The following KMT2E variants were observed in gnomAD, a reference collection of about 807,000 sequenced individuals.
KMT2E encodes the protein lysine methyltransferase 2E (inactive).
Under a neutral mutation model 184.6 loss-of-function variants are expected in KMT2E, and 30 were observed. The ratio of observed to expected loss-of-function variants is 0.16; its 90% CI spans 0.12 to 0.22. The LOEUF is 0.22. Ranked by LOEUF, KMT2E falls within the 10% of genes least tolerant of loss-of-function variation. KMT2E has a pLI of 1.00. For missense variants in KMT2E, 2,023 were observed against 2,237.4 expected, an observed-to-expected ratio of 0.90 and a Z score of 1.93; for synonymous variants, 815 against 776.5, an observed-to-expected ratio of 1.05 and a Z score of -0.82.
At chr7:105,087,683 C>G (rs190745299) in intron 13 of KMT2E, among the ~76,000 whole-genome samples, 379 of 152,144 alleles carry the variant, frequency 2.5e-3, no homozygotes, top group African/African-American at 8.7e-3. Flanking sequence ...CTCGGCCTCC[C>G]AAAGTGCTGG....
In KMT2E at chr7:105,107,777, T is replaced by A; in HGVS notation, c.3320T>A (p.Leu1107Gln). 1 of 1,614,144 alleles carries A rather than the reference T, an allele frequency of 6.2e-7. No individual in the cohort carries two copies. Among genetic ancestry groups the A allele is most frequent in the East Asian group, 2.2e-5 (1 of 44,870 alleles). ...TTCCGAATAAGTGAGTCAAAGTGCC[T>A]GATGCAGGATGATACTAGAGGCATG... is the stretch of plus-strand genomic sequence containing the variant. ...GGFRISESKC[L>Q]MQDDTRGMFM... Residue 1107 changes from leucine to glutamine, a missense_variant, in exon 22 of 27, where the codon CTG becomes CAG. Physicochemically the swap from Leu to Gln is moderately radical, Grantham distance 113. Around this residue, in one of 8 missense-constraint regions of KMT2E, gnomAD observed 1,108 missense variants for 1,050.9 expected, o/e 1.05. Coordinates refer to ENST00000311117, the MANE Select transcript of KMT2E (RefSeq NM_182931.3).
In KMT2E at chr7:105,066,725, A is replaced by G; in HGVS notation, c.417-2A>G. On this transcript the variant is annotated splice_acceptor_variant, in intron 5 of 26. Coordinates refer to ENST00000311117, the MANE Select transcript of KMT2E (RefSeq NM_182931.3). LOFTEE classifies it high-confidence loss of function. Reference sequence around the variant, plus strand: ...CATATGTTCTGCTTTTTTTTTTTTAAGCGTTTGGCAACATATTGACTGCAT... The same window carrying G: ...CATATGTTCTGCTTTTTTTTTTTTAGGCGTTTGGCAACATATTGACTGCAT... 6.2e-7 allele frequency: 1 copy of G among 1,601,544 alleles called. No individual in the cohort carries two copies. The highest frequency in any genetic ancestry group is 8.5e-7 in the Non-Finnish European group (1 of 1,173,394).
chr7:105,015,451 A>C (rs1182331291), intron 1 of KMT2E, among the ~76,000 whole-genome samples: 1 of 152,238 alleles, frequency 6.6e-6, no homozygotes, highest in Non-Finnish European at 1.5e-5. Flanking sequence ...TTAGCTCTAG[A>C]GTAAACCTCG....
chr7:105,099,726 A>T (rs1306689274), intron 15 of KMT2E, among the ~76,000 whole-genome samples: 1 of 152,220 alleles, frequency 6.6e-6, no homozygotes, highest in South Asian at 2.1e-4. Flanking sequence ...ATTTTTGCCA[A>T]GACAAGTTTG....
chr7:105,034,693 C>T (rs1245814980), intron 1 of KMT2E, among the ~76,000 whole-genome samples: 1 of 151,988 alleles, frequency 6.6e-6, no homozygotes, highest in Non-Finnish European at 1.5e-5. Flanking sequence ...AATTTTATCA[C>T]CACAAGGATC....
In KMT2E at chr7:105,113,490, T is replaced by A; in HGVS notation, c.*157T>A. ...TTTTTCTCATTTTTGCTTTTTAAAA[T>A]TCCTTTAAAAAATGTGCTGTTAAGC... On this transcript the variant is annotated 3_prime_UTR_variant, in exon 27 of 27. Transcript: ENST00000311117. 1.2e-6 allele frequency: 1 copy of A among 841,384 alleles called. No homozygotes were observed. Among genetic ancestry groups the A allele is most frequent in the Non-Finnish European group, 1.7e-6 (1 of 576,012 alleles). 52.1% of individuals were successfully genotyped at this position (841,384 alleles called of 1,614,324 possible).
intron 13 of KMT2E, among the ~76,000 whole-genome samples, chr7:105,084,646 C>G (rs1409885574): frequency 1.3e-5 from 2 of 150,074 alleles, no homozygotes; most frequent in African/African-American, 4.9e-5. Context: ...AAAAAAATTA[C>G]TGTATTGCAC....
intron 1 of KMT2E, among the ~76,000 whole-genome samples, chr7:105,020,528 T>G (rs1455800064): frequency 6.6e-6 from 1 of 152,196 alleles, no homozygotes; most frequent in Non-Finnish European, 1.5e-5. Flanking sequence ...GAGGTTGCAG[T>G]GAGCTGAGAT....
At chr7:105,090,852 G>T (rs773268395) in intron 14 of KMT2E, among the ~76,000 whole-genome samples, 44 of 152,192 alleles carry the variant, frequency 2.9e-4, no homozygotes, top group Middle Eastern at 3.4e-3. Context: ...CTATCTTCTA[G>T]AAATGATTTC....
Position 105,077,439 on chromosome 7 carries a change from T to G in KMT2E, c.1130+6T>G. ...AATGGGTATTTCTTTAAAAGGTATA[T>G]TCATTTATTTTCCCATGTTCATTTT... On this transcript the variant is annotated splice_donor_region_variant and intron_variant, in intron 11 of 26. Transcript: ENST00000311117. 6.3e-7 allele frequency: 1 copy of G among 1,592,358 alleles called. No homozygotes were observed. Among genetic ancestry groups the G allele is most frequent in the Non-Finnish European group, 8.6e-7 (1 of 1,168,614 alleles).
intron 15 of KMT2E, among the ~76,000 whole-genome samples, chr7:105,100,768 G>GA (rs1315812101): frequency 1.3e-5 from 2 of 152,140 alleles, no homozygotes; most frequent in Non-Finnish European, 2.9e-5. Flanking sequence ...ACTACTGTTT[G>GA]AAAACCTCGT....
intron 12 of KMT2E, among the ~76,000 whole-genome samples, chr7:105,080,996 C>CT (rs1018289605): frequency 6.6e-6 from 1 of 151,816 alleles, no homozygotes; most frequent in African/African-American, 2.4e-5. Context: ...GAGTGAGACT[C>CT]TGTCTCAAAA....
chr7:105,101,337 A>AT, intron 15 of KMT2E, 88 bp from the exon 16 acceptor site: 1 of 913,148 alleles, frequency 1.1e-6, no homozygotes, highest in Middle Eastern at 3.2e-4. Context: ...CATAGCAATT[A>AT]TTTTTTACAT....
At chr7:105,037,359 TC>T (rs1795702084) in intron 1 of KMT2E, among the ~76,000 whole-genome samples, 1 of 152,108 alleles carries the variant, frequency 6.6e-6, no homozygotes, top group Non-Finnish European at 1.5e-5. Flanking sequence ...CTTTTTGTTT[TC>T]TTTTTTTTGT....
Position 105,114,963 on chromosome 7 carries a change from T to C in KMT2E, c.*1630T>C, listed in dbSNP as rs1799544221. 6.6e-6 allele frequency among the ~76,000 whole-genome samples: 1 copy of C among 152,228 alleles called. No homozygotes were observed. The highest frequency in any genetic ancestry group is 2.4e-5 in the African/African-American group (1 of 41,456). On this transcript the variant is annotated 3_prime_UTR_variant, in exon 27 of 27. Coordinates refer to ENST00000311117, the MANE Select transcript of KMT2E (RefSeq NM_182931.3). ...AATGGTTTTACATCATCTATCCTGA[T>C]AGTTTCAAACAGAATAAAGGTAACT...
intron 3 of KMT2E, among the ~76,000 whole-genome samples, chr7:105,050,656 T>C (rs896763370): frequency 1.3e-5 from 2 of 151,596 alleles, no homozygotes; most frequent in African/African-American, 4.8e-5. Flanking sequence ...TTTTCTTTCT[T>C]TCTTTCTTTT....
At chr7:105,071,483 C>G (rs1043307911) in intron 6 of KMT2E, among the ~76,000 whole-genome samples, 3 of 149,404 alleles carry the variant, frequency 2.0e-5, no homozygotes, top group African/African-American at 7.4e-5. Context: ...TGTCATGCCT[C>G]AGCCTGCCGA....
intron 6 of KMT2E, among the ~76,000 whole-genome samples, chr7:105,067,306 G>T (rs1250881941): frequency 6.6e-6 from 1 of 151,564 alleles, no homozygotes; most frequent in African/African-American, 2.4e-5. Context: ...TTTTTAACTG[G>T]AATGCGCTAT....
rs757593144 is a variant in KMT2E, at chr7:105,112,418, G to C, written c.4662G>C (p.Ser1554=). 9.3e-6 allele frequency: 15 copies of C among 1,612,480 alleles called. No homozygotes were observed. The highest frequency in any genetic ancestry group is 2.2e-5 in the South Asian group (2 of 91,050). The change falls in exon 27 of 27, where the codon TCG becomes TCC. Residue 1554 remains serine (S), a synonymous_variant. Transcript: ENST00000311117. ...PPPPPPPPPS[S]SYYQNQQPSA... ...CTCCACCTCCTCCACCTCCTTCTTC[G>C]TCTTACTATCAAAACCAGCAGCCCT...
Sources: gnomAD v4.1 joint callset for allele counts (sites outside exome capture counted in the v4.1 genomes callset) on GRCh38, gnomAD v4.1.1 for gene constraint, gnomAD v4.1.1 regional missense constraint, MANE v1.5 for transcripts, NCBI Gene and HGNC (gene_info 2026-07-23, HGNC 2026-07-21) for gene names.